Variants in LRP1B observed in about 807,000 individuals in gnomAD.
The protein encoded by LRP1B is low-density lipoprotein receptor-related protein 1B.
LRP1B carries 217 observed loss-of-function variants against 556.6 expected under a neutral mutation model. The ratio of observed to expected loss-of-function variants is 0.39; its 90% CI spans 0.35 to 0.44. The LOEUF is 0.44. LRP1B is among the 20% of genes least tolerant of loss of function. LRP1B has a pLI of 1.00. For synonymous variants in LRP1B, 2,047 were observed against 1,865.8 expected, an observed-to-expected ratio of 1.10 and a Z score of -2.50; for missense variants, 5,053 against 5,620.8, an observed-to-expected ratio of 0.90 and a Z score of 3.23.
chr2:141,178,172 G>T (rs982465013), intron 7 of LRP1B, among the ~76,000 whole-genome samples: 9 of 152,178 alleles, frequency 5.9e-5, no homozygotes, highest in African/African-American at 2.2e-4. Context: ...AGAGCCCCAG[G>T]GGCAGGATAT....
At chr2:141,693,479 CATAA>C (rs1433712263) in intron 2 of LRP1B, among the ~76,000 whole-genome samples, 1 of 151,870 alleles carries the variant, frequency 6.6e-6, no homozygotes, top group African/African-American at 2.4e-5. Context: ...ATTATTAAAA[CATAA>C]ATATATAATG....
At chr2:140,743,990 AAGT>A (rs1232797123) in intron 35 of LRP1B, among the ~76,000 whole-genome samples, 28,152 of 43,360 alleles carry the variant, frequency 0.65, 11,721 homozygotes, top group Non-Finnish European at 0.8. Flanking sequence ...AAAAAAAAAA[AAGT>A]AAAAAGTAAA....
At chr2:140,859,515 T>C (rs1692723753) in intron 27 of LRP1B, among the ~76,000 whole-genome samples, 1 of 152,184 alleles carries the variant, frequency 6.6e-6, no homozygotes, top group Non-Finnish European at 1.5e-5. Flanking sequence ...TTAAATCATT[T>C]CGATGTTAAA....
chr2:140,764,394 G>A (rs776214021), intron 35 of LRP1B, among the ~76,000 whole-genome samples: 1 of 152,062 alleles, frequency 6.6e-6, no homozygotes, highest in African/African-American at 2.4e-5. Flanking sequence ...ACTGGGAGTA[G>A]GATACTCCAT....
chr2:140,280,040 A>G (rs1201450186), intron 84 of LRP1B, among the ~76,000 whole-genome samples: 2 of 151,934 alleles, frequency 1.3e-5, no homozygotes, highest in East Asian at 3.9e-4. Context: ...TTTATTTTTT[A>G]TATTTCACTT....
intron 3 of LRP1B, among the ~76,000 whole-genome samples, chr2:141,345,177 A>C (rs1688200190): frequency 6.6e-6 from 1 of 151,788 alleles, no homozygotes; most frequent in Admixed American, 6.6e-5. Context: ...GAAAAAAAAA[A>C]AAACCCACAA....
At chr2:140,581,491 T>A (rs2105137401) in intron 43 of LRP1B, among the ~76,000 whole-genome samples, 1 of 152,298 alleles carries the variant, frequency 6.6e-6, no homozygotes, top group Admixed American at 6.5e-5. Context: ...TTGTTATTTT[T>A]TTTTTGTTTA....
chr2:141,503,601 T>A (rs1683809803), intron 2 of LRP1B, among the ~76,000 whole-genome samples: 1 of 152,132 alleles, frequency 6.6e-6, no homozygotes, highest in Non-Finnish European at 1.5e-5. Context: ...TCTATCTGTA[T>A]AATTTGCAGT....
chr2:142,081,676 G>A (rs1006236673), intron 1 of LRP1B, among the ~76,000 whole-genome samples: 6 of 152,066 alleles, frequency 3.9e-5, no homozygotes, highest in Non-Finnish European at 8.8e-5. Flanking sequence ...ACTGGTTCTC[G>A]CTATGCTGTC....
At chr2:140,500,622 C>A (rs1689143263) in intron 55 of LRP1B, among the ~76,000 whole-genome samples, 1 of 151,978 alleles carries the variant, frequency 6.6e-6, no homozygotes, top group Non-Finnish European at 1.5e-5. Context: ...TTTTAAGCAA[C>A]TCAGATTAAG....
intron 41 of LRP1B, among the ~76,000 whole-genome samples, chr2:140,694,980 T>A (rs1262343131): frequency 6.6e-6 from 1 of 151,976 alleles, no homozygotes; most frequent in East Asian, 1.9e-4. Context: ...CTATTTCTTG[T>A]TCTTTTCATA....
intron 2 of LRP1B, among the ~76,000 whole-genome samples, chr2:141,483,783 A>G (rs911500843): frequency 9.2e-5 from 14 of 151,510 alleles, no homozygotes; most frequent in African/African-American, 2.9e-4. Context: ...GTCTGTTCAT[A>G]TCCTTTGCCC....
chr2:141,341,960 G>A (rs1481223506), intron 3 of LRP1B, among the ~76,000 whole-genome samples: 4 of 151,856 alleles, frequency 2.6e-5, no homozygotes, highest in Non-Finnish European at 5.9e-5. Context: ...TCATAACCCA[G>A]GCGGCCGGGC....
chr2:142,072,720 C>T (rs1705366983), intron 1 of LRP1B, among the ~76,000 whole-genome samples: 1 of 151,942 alleles, frequency 6.6e-6, no homozygotes, highest in African/African-American at 2.4e-5. Context: ...AATGATTACA[C>T]TATGCGCTCC....
At chr2:142,038,579 T>C (rs1187538110) in intron 1 of LRP1B, among the ~76,000 whole-genome samples, 1 of 151,544 alleles carries the variant, frequency 6.6e-6, no homozygotes, top group Admixed American at 6.6e-5. Context: ...AACAGGTAAG[T>C]TTCACTTGAC....
intron 2 of LRP1B, among the ~76,000 whole-genome samples, chr2:141,578,642 C>T (rs139736724): frequency 1.8e-3 from 275 of 152,164 alleles, no homozygotes; most frequent in African/African-American, 6.3e-3. Context: ...TGAAAACTTC[C>T]AAAACTAAAA....
chr2:141,840,932 G>A (rs1256859926), intron 1 of LRP1B, among the ~76,000 whole-genome samples: 14 of 146,002 alleles, frequency 9.6e-5, no homozygotes, highest in Admixed American at 1.4e-4. Context: ...TGCATCTAGG[G>A]AAAAAAAAAA....
chr2:140,756,833 A>T (rs1688756648), intron 35 of LRP1B, among the ~76,000 whole-genome samples: 1 of 152,164 alleles, frequency 6.6e-6, no homozygotes, highest in Non-Finnish European at 1.5e-5. Context: ...CTTCATCAAA[A>T]TTTAAAACTT....
At chr2:140,567,505 TCCTGA>T (rs1558972751) in intron 43 of LRP1B, among the ~76,000 whole-genome samples, 1 of 152,100 alleles carries the variant, frequency 6.6e-6, no homozygotes, top group Non-Finnish European at 1.5e-5. Flanking sequence ...CACAGCTACA[TCCTGA>T]CCCACTGAGC....
Sources: allele counts gnomAD v4.1 joint callset (sites outside exome capture counted in the v4.1 genomes callset), GRCh38; gene constraint gnomAD v4.1.1; transcripts MANE v1.5; gene names NCBI Gene and HGNC (gene_info 2026-07-23, HGNC 2026-07-21).